The following GLI3 variants were observed in gnomAD, a reference collection of about 807,000 sequenced individuals.
The protein encoded by GLI3 is transcription activator GLI3.
Under a neutral mutation model 100.8 loss-of-function variants are expected in GLI3, and 20 were observed. That is an observed-to-expected ratio of 0.20 (90% CI 0.14 to 0.29). The LOEUF is 0.29. GLI3 is among the 10% of genes least tolerant of loss of function. The pLI is 1.00. For missense variants in GLI3, 2,040 were observed against 2,128.5 expected, an observed-to-expected ratio of 0.96 and a Z score of 0.82; for synonymous variants, 938 against 860.5, an observed-to-expected ratio of 1.09 and a Z score of -1.58.
At chr7:42,135,011 A>G (rs902679368) in intron 3 of GLI3, among the ~76,000 whole-genome samples, 1 of 152,180 alleles carries the variant, frequency 6.6e-6, no homozygotes, top group African/African-American at 2.4e-5. Context: ...TAAATTTGCC[A>G]TGGAGTCAAA....
At chr7:42,078,883 C>G (rs1784938878) in intron 3 of GLI3, among the ~76,000 whole-genome samples, 1 of 152,020 alleles carries the variant, frequency 6.6e-6, no homozygotes, top group African/African-American at 2.4e-5. Context: ...GCGCCCGCCA[C>G]CACGCCTGGC....
chr7:42,030,804 C>T lies in GLI3; in HGVS notation c.1029-4392G>A, dbSNP rs143501485. On this transcript the variant is annotated intron_variant, in intron 7 of 14. Transcript: ENST00000395925. The stretch of plus-strand genomic sequence containing the variant: ...CACGATCTCAGCTCACTGAAACCTC[C>T]GCCTCCCAGGTTCAAGCGATTCTCC... Among the ~76,000 whole-genome samples, 669 of 151,596 alleles carry T rather than the reference C, an allele frequency of 4.4e-3. 9 individuals carry two copies. The East Asian group carries it at 0.06, about 14-fold the overall frequency.
chr7:42,248,017 G>A (rs1343592796), intron 1 of GLI3, among the ~76,000 whole-genome samples: 1 of 152,166 alleles, frequency 6.6e-6, no homozygotes. Context: ...ATGAGTGTTT[G>A]TTTCAGTATT....
At chr7:41,970,008 T>C (rs1787324608) in intron 13 of GLI3, among the ~76,000 whole-genome samples, 1 of 152,130 alleles carries the variant, frequency 6.6e-6, no homozygotes, top group South Asian at 2.1e-4. Context: ...TGAAAACACA[T>C]TGCTTCTATA....
intron 4 of GLI3, among the ~76,000 whole-genome samples, chr7:42,057,356 G>A (rs1447905138): frequency 6.6e-6 from 1 of 152,202 alleles, no homozygotes; most frequent in African/African-American, 2.4e-5. Context: ...GTGTTGATGA[G>A]GATTTAGGCC....
At chr7:42,100,507 A>G (rs1785436823) in intron 3 of GLI3, among the ~76,000 whole-genome samples, 1 of 151,842 alleles carries the variant, frequency 6.6e-6, no homozygotes, top group South Asian at 2.1e-4. Context: ...AGGCCAAACT[A>G]GGCAGATCGA....
In GLI3 at chr7:41,966,505, C is replaced by G. The variant is rs776382626; in HGVS notation, c.2568G>C (p.Ser856=). 2 of 1,613,560 alleles carry G rather than the reference C, an allele frequency of 1.2e-6. No individual in the cohort carries two copies. The highest frequency in any genetic ancestry group is 1.1e-5 in the South Asian group (1 of 91,074). The change falls in exon 15 of 15, where the codon TCG becomes TCC. Residue 856 remains serine (S), a synonymous_variant. Coordinates refer to ENST00000395925, the MANE Select transcript of GLI3 (RefSeq NM_000168.6). The surrounding 1 kb of genome is among the most constrained non-coding windows in gnomAD (Gnocchi z 5.8). ...RRDSSASTIS[S]AYLSSRRSSG... The stretch of plus-strand genomic sequence containing the variant: ...AGGAGCGGCGGCTGCTCAGGTAGGC[C>G]GAGCTGATGGTGCTGGCGCTGCTGT...
chr7:42,238,003 GCCTCCT>G (rs1197149389), upstream of GLI3: 20 of 141,036 alleles, frequency 1.4e-4, no homozygotes, highest in Non-Finnish European at 1.9e-4. Flanking sequence ...CGCCGCCGCC[GCCTCCT>G]CCTCCTCCTC....
At chr7:42,197,588 G>A (rs965425050) in intron 2 of GLI3, among the ~76,000 whole-genome samples, 2 of 152,158 alleles carry the variant, frequency 1.3e-5, no homozygotes, top group African/African-American at 2.4e-5. Flanking sequence ...ATGAAATGTC[G>A]TGCTACTGGA....
intron 3 of GLI3, among the ~76,000 whole-genome samples, chr7:42,081,353 G>C (rs1356378764): frequency 6.6e-6 from 1 of 152,168 alleles, no homozygotes; most frequent in African/African-American, 2.4e-5. Flanking sequence ...TATTGTACCC[G>C]AGTCCTCTTA....
rs140772904 is a variant in GLI3, at chr7:42,048,631, C to T, written c.539G>A (p.Arg180Gln). The T allele has an allele frequency of 6.4e-5, 103 of 1,610,470 alleles. No homozygotes were observed. Among genetic ancestry groups the T allele is most frequent in the Non-Finnish European group, 7.8e-5 (92 of 1,179,158 alleles). The change falls in exon 5 of 15, where the codon CGG becomes CAG. Residue 180 changes from arginine (R) to glutamine (Q), a missense_variant. Transcript: ENST00000395925. ...AGACTCGGAAGCAGCAGTGGGGTTC[C>T]GGTGTGGGGAGATCCTAATGAAGGG... Reference protein sequence around the residue: ...DLPFIRISPHRNPTAASESPF... With the variant: ...DLPFIRISPHQNPTAASESPF...
chr7:42,175,239 C>G (rs1428037124), intron 2 of GLI3, among the ~76,000 whole-genome samples: 2 of 152,206 alleles, frequency 1.3e-5, no homozygotes, highest in Non-Finnish European at 2.9e-5. Context: ...GCCAGTCCCC[C>G]CGAAATGCTT....
At chr7:41,974,023 A>G (rs1027795905) in intron 12 of GLI3, among the ~76,000 whole-genome samples, 3 of 152,202 alleles carry the variant, frequency 2.0e-5, no homozygotes, top group Non-Finnish European at 2.9e-5. Flanking sequence ...CACAGGCCCT[A>G]TGCTTGCTCA....
At chr7:42,251,973 C>T (rs576053059) in intron 1 of GLI3, among the ~76,000 whole-genome samples, 111 of 152,100 alleles carry the variant, frequency 7.3e-4, no homozygotes, top group African/African-American at 2.2e-3. Flanking sequence ...GAACTGAAAA[C>T]GGAACTACCA....
At chr7:42,061,080 A>G (rs181711784) in intron 4 of GLI3, among the ~76,000 whole-genome samples, 2 of 152,364 alleles carry the variant, frequency 1.3e-5, no homozygotes, top group African/African-American at 4.8e-5. Flanking sequence ...CTGTTATTCA[A>G]GCAAGAACTT....
chr7:42,144,056 T>C (rs914611087), intron 3 of GLI3, among the ~76,000 whole-genome samples: 3 of 152,216 alleles, frequency 2.0e-5, no homozygotes, highest in Non-Finnish European at 2.9e-5. Context: ...ACACATGTTT[T>C]CTGTAAAAGG....
intron 3 of GLI3, among the ~76,000 whole-genome samples, chr7:42,144,807 G>A (rs1345236431): frequency 6.6e-6 from 1 of 152,138 alleles, no homozygotes; most frequent in East Asian, 1.9e-4. Flanking sequence ...CAACCACAGA[G>A]AAATGAAGGA....
intron 3 of GLI3, among the ~76,000 whole-genome samples, chr7:42,081,632 C>G (rs551920512): frequency 3.9e-5 from 6 of 152,216 alleles, no homozygotes; most frequent in Non-Finnish European, 4.4e-5. Context: ...AGAGAATAAC[C>G]GAGAAAGACA....
At chr7:41,970,379 A>G (rs182951097) in intron 13 of GLI3, among the ~76,000 whole-genome samples, 1 of 152,324 alleles carries the variant, frequency 6.6e-6, no homozygotes, top group African/African-American at 2.4e-5. Flanking sequence ...ATATACACAC[A>G]TAATATCTGC....
Sources: allele counts gnomAD v4.1 joint callset (sites outside exome capture counted in the v4.1 genomes callset), GRCh38; gene constraint gnomAD v4.1.1; non-coding constraint Gnocchi (gnomAD v3.1); transcripts MANE v1.5; gene names NCBI Gene and HGNC (gene_info 2026-07-23, HGNC 2026-07-21).